Variants in DCHS2 observed in about 807,000 individuals in gnomAD.
DCHS2 encodes dachsous cadherin-related 2.
In DCHS2, 142 loss-of-function variants were observed where a neutral mutation model predicts 182.4. That is an observed-to-expected ratio of 0.78 (90% confidence interval 0.68 to 0.89). DCHS2 has a LOEUF of 0.89. Among genes scored for constraint, DCHS2 ranks in the 40% least tolerant of loss-of-function variants. The probability of loss-of-function intolerance (pLI) is 0.00; values close to 1 mark genes in which losing one functional copy is unlikely to be tolerated. For missense variants in DCHS2, 4,319 were observed against 4,198.6 expected (o/e 1.03, Z -0.79); for synonymous variants, 1,740 against 1,663.3 (o/e 1.05, Z -1.12).
At chr4:154,285,239 T>C (rs1438892291) in intron 13 of DCHS2, among the ~76,000 whole-genome samples, 1 of 152,124 alleles carries the variant, frequency 6.6e-6, no homozygotes, top group Non-Finnish European at 1.5e-5. Flanking sequence ...CCAGGAGTAC[T>C]CACCATGAAC....
At chr4:154,354,594 C>G (rs1420020479) in intron 3 of DCHS2, 1 of 152,192 alleles carries the variant, frequency 6.6e-6, no homozygotes, top group African/African-American at 2.4e-5. Flanking sequence ...TTCAAATGTT[C>G]TAGTCCTACA....
chr4:154,286,519 G>A (rs1220438203), intron 13 of DCHS2, among the ~76,000 whole-genome samples: 2 of 151,882 alleles, frequency 1.3e-5, no homozygotes, highest in Non-Finnish European at 2.9e-5. Context: ...TGAAGTAATT[G>A]AAAAAATTCA....
chr4:154,411,022 A>C (rs1379840996), intron 1 of DCHS2, among the ~76,000 whole-genome samples: 1 of 152,254 alleles, frequency 6.6e-6, no homozygotes, highest in Non-Finnish European at 1.5e-5. Flanking sequence ...CAAGAATACT[A>C]TACACAGGAA....
intron 10 of DCHS2, among the ~76,000 whole-genome samples, chr4:154,310,944 C>T (rs1005614724): frequency 1.3e-5 from 2 of 152,174 alleles, no homozygotes; most frequent in African/African-American, 4.8e-5. Flanking sequence ...TATTGAAATA[C>T]ACACAATATT....
At chr4:154,252,390 T>C (rs1328885346) in intron 16 of DCHS2, among the ~76,000 whole-genome samples, 5 of 152,198 alleles carry the variant, frequency 3.3e-5, no homozygotes, top group Non-Finnish European at 7.3e-5. Context: ...TTTTTGACTA[T>C]AGTTACCCTT....
intron 1 of DCHS2, chr4:154,384,300 A>G: frequency 2.6e-6 from 4 of 1,567,612 alleles, no homozygotes; most frequent in Non-Finnish European, 3.4e-6. Flanking sequence ...TTGCCTCCTT[A>G]TTGAAACATC....
At chr4:154,466,683 T>C (rs991945638) in intron 1 of DCHS2, among the ~76,000 whole-genome samples, 2 of 152,208 alleles carry the variant, frequency 1.3e-5, no homozygotes, top group African/African-American at 2.4e-5. Flanking sequence ...CTCTAAAAGC[T>C]GAACTATTTT....
chr4:154,338,877 T>C (rs1728937918), intron 3 of DCHS2, among the ~76,000 whole-genome samples: 1 of 152,210 alleles, frequency 6.6e-6, no homozygotes, highest in Non-Finnish European at 1.5e-5. Context: ...ATGTCAATAC[T>C]ACAAGTATTA....
intron 3 of DCHS2, among the ~76,000 whole-genome samples, chr4:154,337,972 G>A (rs1467176303): frequency 2.6e-5 from 4 of 151,990 alleles, no homozygotes; most frequent in African/African-American, 9.7e-5. Flanking sequence ...AACTCCTGAC[G>A]TGATTTGCCT....
chr4:154,366,252 G>A lies in DCHS2; in HGVS notation c.2434C>T (p.Pro812Ser), dbSNP rs371017105. The A allele has an allele frequency of 6.2e-7, 1 of 1,613,662 alleles. No homozygotes were observed. Residue 812 changes from proline to serine, a missense_variant, in exon 3 of 20, where the codon CCA (proline) becomes TCA (serine). Pro to Ser is a moderately conservative substitution (Grantham distance 74). Coordinates refer to ENST00000357232, the MANE Select transcript of DCHS2 (RefSeq NM_001358235.2). ...IYGTVAYELI[P>S]GNVSSLFTID... ...GTAAAAAGGGACGACACGTTTCCTG[G>A]AATAAGCTCATAAGCCACTGTCCCA...
intron 12 of DCHS2, among the ~76,000 whole-genome samples, chr4:154,299,471 A>G (rs925611290): frequency 6.6e-6 from 1 of 152,214 alleles, no homozygotes; most frequent in Non-Finnish European, 1.5e-5. Context: ...AATGTGGTTC[A>G]TATGCTTGCC....
At chr4:154,372,053 G>T (rs537950674) in intron 2 of DCHS2, among the ~76,000 whole-genome samples, 112 of 152,232 alleles carry the variant, frequency 7.4e-4, no homozygotes, top group African/African-American at 2.6e-3. Context: ...ATAATAAATG[G>T]CTTGGATGCT....
chr4:154,403,095 A>G (rs946042585), intron 1 of DCHS2, among the ~76,000 whole-genome samples: 1 of 152,186 alleles, frequency 6.6e-6, no homozygotes, highest in African/African-American at 2.4e-5. Context: ...CAACATAATC[A>G]TGTCATCTGT....
intron 1 of DCHS2, among the ~76,000 whole-genome samples, chr4:154,390,398 T>G (rs1411034428): frequency 6.6e-6 from 1 of 151,764 alleles, no homozygotes; most frequent in African/African-American, 2.4e-5. Flanking sequence ...AGTTTGATAC[T>G]CTTAATCCTG....
chr4:154,445,254 A>C (rs1053238657), intron 1 of DCHS2, among the ~76,000 whole-genome samples: 3 of 152,224 alleles, frequency 2.0e-5, no homozygotes, highest in African/African-American at 7.2e-5. Flanking sequence ...TAAAGCCTCC[A>C]TAAATAAATA....
At chr4:154,479,469 A>G (rs1277855279) in intron 1 of DCHS2, among the ~76,000 whole-genome samples, 1 of 152,192 alleles carries the variant, frequency 6.6e-6, no homozygotes, top group Non-Finnish European at 1.5e-5. Flanking sequence ...ATTTTAAAAA[A>G]AAGTTTTCTT....
In DCHS2 at chr4:154,235,830, AG is replaced by A; in HGVS notation, c.8821del (p.Leu2941PhefsTer3). On this transcript the variant is annotated frameshift_variant, in exon 20 of 20. Coordinates refer to ENST00000357232, the MANE Select transcript of DCHS2 (RefSeq NM_001358235.2). LOFTEE classifies it low-confidence loss of function (END_TRUNC). ...TNGNIYLIRA[L>X]PLIKSQLNKE... ...GTTGAGTTGACTTTTTATTAGGGGA[AG>A]GGCTCTAATCAAATAAATATTTCCA... 6.2e-7 allele frequency: 1 copy of A among 1,613,976 alleles called. No homozygotes were observed. Among genetic ancestry groups the A allele is most frequent in the East Asian group, 2.2e-5 (1 of 44,864 alleles).
intron 14 of DCHS2, among the ~76,000 whole-genome samples, chr4:154,261,299 A>T (rs1357255694): frequency 6.6e-6 from 1 of 152,248 alleles, no homozygotes; most frequent in East Asian, 1.9e-4. Flanking sequence ...AGCAAGTGAC[A>T]TAACGCATAT....
Position 154,321,082 on chromosome 4 carries a change from T to C in DCHS2, c.4317A>G (p.Leu1439=), listed in dbSNP as rs748620366. The change falls in exon 9 of 20, where the codon TTA becomes TTG. Residue 1439 remains leucine (L), a synonymous_variant. Coordinates refer to ENST00000357232, the MANE Select transcript of DCHS2 (RefSeq NM_001358235.2). ...TATCATCTGCAACAATACTAAAATG[T>C]AACTTTCCATTATAATGTTGTTGAA... is the stretch of plus-strand genomic sequence containing the variant. The part of the protein sequence containing the change: ...DHLQQHYNGK[L]HFSIVADDKD... 3 of 1,609,636 alleles carry C rather than the reference T, an allele frequency of 1.9e-6. No homozygotes were observed. In the South Asian group the frequency reaches 3.3e-5, roughly 18 times the overall value.
Sources: gnomAD v4.1 joint callset for allele counts (sites outside exome capture counted in the v4.1 genomes callset) on GRCh38, gnomAD v4.1.1 for gene constraint, MANE v1.5 for transcripts, NCBI Gene and HGNC (gene_info 2026-07-23, HGNC 2026-07-21) for gene names.